NDRG4: variants seen among roughly 807,000 people sequenced by gnomAD.
NDRG4 encodes the protein protein NDRG4.
In NDRG4, 38 loss-of-function variants were observed where a neutral mutation model predicts 55.8. The observed-to-expected ratio is 0.68, with a 90% CI of 0.53 to 0.89. The LOEUF is 0.89. Ranked by LOEUF, NDRG4 falls within the 40% of genes least tolerant of loss-of-function variation. NDRG4 has a pLI of 0.00. For missense variants in NDRG4, 455 were observed against 468.6 expected (o/e 0.97, Z 0.27); for synonymous variants, 190 against 182.7 (o/e 1.04, Z -0.32).
chr16:58,490,719 G>A (rs868018972), intron 2 of NDRG4, among the ~76,000 whole-genome samples: 12 of 152,196 alleles, frequency 7.9e-5, no homozygotes, highest in Admixed American at 3.3e-4. Flanking sequence ...GCTCACGCCT[G>A]TAATCCCAGC....
intron 2 of NDRG4, among the ~76,000 whole-genome samples, chr16:58,494,676 A>G (rs961422803): frequency 6.6e-6 from 1 of 152,048 alleles, no homozygotes; most frequent in African/African-American, 2.4e-5. Context: ...ACATTGAGAC[A>G]GACTGGTGGG....
At chr16:58,481,910 G>A (rs577599157) in intron 1 of NDRG4, among the ~76,000 whole-genome samples, 138 of 152,272 alleles carry the variant, frequency 9.1e-4, no homozygotes, top group Non-Finnish European at 1.6e-3. Flanking sequence ...CCTATATAGT[G>A]CAGTTGGAAG....
chr16:58,473,480 C>T (rs138471922), intron 1 of NDRG4, among the ~76,000 whole-genome samples: 19 of 152,308 alleles, frequency 1.2e-4, no homozygotes, highest in Non-Finnish European at 2.1e-4. Flanking sequence ...CAAACTCTTA[C>T]ATCCACCTGC....
chr16:58,465,248 C>G, intron 1 of NDRG4: 1 of 572,794 alleles, frequency 1.7e-6, no homozygotes. Context: ...AAGTGTCCTC[C>G]GACACCTGGG....
intron 1 of NDRG4, among the ~76,000 whole-genome samples, chr16:58,468,384 T>C (rs1316952768): frequency 1.3e-5 from 2 of 152,184 alleles, no homozygotes; most frequent in Non-Finnish European, 2.9e-5. Flanking sequence ...GTTACCTTCT[T>C]TCGGCCTCAG....
Position 58,512,537 on chromosome 16 carries a change from G to A in NDRG4, c.*961G>A, listed in dbSNP as rs1400070551. The A allele has an allele frequency of 4.2e-5, 9 of 213,748 alleles. No individual in the cohort carries two copies. The highest frequency in any genetic ancestry group is 1.2e-4 in the South Asian group (2 of 16,292). The allele number at this position is 213,748 out of a possible 1,614,324, so 13.2% of individuals were successfully genotyped here. A position where few individuals can be genotyped will look rare whatever the true frequency, so the allele number is the denominator to read the frequency against. Reference sequence around the variant, plus strand: ...TTTCAGGCAGAGCTCTGGCCAGGCTGTGCCAGTGTGTCCCGGACGCATCAC... The same window carrying A: ...TTTCAGGCAGAGCTCTGGCCAGGCTATGCCAGTGTGTCCCGGACGCATCAC... On this transcript the variant is annotated 3_prime_UTR_variant, in exon 15 of 15. Coordinates refer to ENST00000570248, the MANE Select transcript of NDRG4 (RefSeq NM_001242835.2).
At chr16:58,481,124 G>A (rs1344932816) in intron 1 of NDRG4, among the ~76,000 whole-genome samples, 1 of 152,128 alleles carries the variant, frequency 6.6e-6, no homozygotes, top group Non-Finnish European at 1.5e-5. Context: ...CCTTGGGCTG[G>A]TTATGTCACC....
Position 58,476,072 on chromosome 16 carries a change from C to T in NDRG4, c.-23-11684C>T, listed in dbSNP as rs1464390766. Among the ~76,000 whole-genome samples, 4 of 152,290 alleles carry T rather than the reference C, an allele frequency of 2.6e-5. No individual in the cohort carries two copies. In the South Asian group the frequency reaches 6.2e-4, roughly 24 times the overall value. On this transcript the variant is annotated intron_variant, in intron 1 of 15. Coordinates refer to the NDRG4 transcript ENST00000258187. ...TCGGCCTCCCCAAGTGCTGGGATTA[C>T]AGGCATGAGCCACTGCGCCCAGCCA...
At chr16:58,505,145 C>A (rs183378252) in intron 5 of NDRG4, among the ~76,000 whole-genome samples, 1 of 151,906 alleles carries the variant, frequency 6.6e-6, no homozygotes, top group Non-Finnish European at 1.5e-5. Flanking sequence ...GTCAGGAGAT[C>A]AAGACCATCC....
upstream of NDRG4, among the ~76,000 whole-genome samples, chr16:58,498,919 C>T (rs2036713469): frequency 6.6e-6 from 1 of 152,184 alleles, no homozygotes; most frequent in African/African-American, 2.4e-5. Context: ...TCTGAGCCTC[C>T]ATATATAAAT....
chr16:58,503,352 G>C (rs1161050274), intron 1 of NDRG4, among the ~76,000 whole-genome samples: 2 of 152,212 alleles, frequency 1.3e-5, no homozygotes, highest in African/African-American at 4.8e-5. Flanking sequence ...GGCTGGCACG[G>C]GGTGTTTTCT....
intron 1 of NDRG4, chr16:58,501,034 A>AC (rs1031880727): frequency 8.0e-7 from 1 of 1,242,942 alleles, no homozygotes; most frequent in African/African-American, 1.6e-5. Flanking sequence ...GGGCTAGGGG[A>AC]CCCCAGGTGG....
intron 1 of NDRG4, among the ~76,000 whole-genome samples, chr16:58,474,053 T>C (rs896227708): frequency 1.7e-5 from 2 of 118,846 alleles, no homozygotes; most frequent in Non-Finnish European, 3.6e-5. Context: ...TTTTTTTTTT[T>C]TGAGAGAGAA....
intron 1 of NDRG4, among the ~76,000 whole-genome samples, chr16:58,478,099 T>G (rs2033916576): frequency 6.6e-6 from 1 of 152,146 alleles, no homozygotes; most frequent in African/African-American, 2.4e-5. Context: ...TCTTCAAAAG[T>G]GTCAAGGTTG....
chr16:58,505,242 G>C (rs926486758), intron 5 of NDRG4, among the ~76,000 whole-genome samples: 1 of 151,618 alleles, frequency 6.6e-6, no homozygotes, highest in Non-Finnish European at 1.5e-5. Flanking sequence ...CCAGCTACTC[G>C]GGAGGCTGAG....
In NDRG4 at chr16:58,511,536, G is replaced by A. The variant is rs777846974; in HGVS notation, c.1019G>A (p.Gly340Glu). The change falls in exon 15 of 15, where the codon GGG becomes GAG. Residue 340 changes from glycine (G) to glutamate (E), a missense_variant. Coordinates refer to ENST00000570248, the MANE Select transcript of NDRG4 (RefSeq NM_001242835.2). ...TGCACCCACTCAGAGAGCAGCGAGG[G>A]GCTGGGCCAGGTCAACCACACCATG... ...QACTHSESSE[G>E]LGQVNHTMEV... The A allele has an allele frequency of 2.5e-6, 4 of 1,613,040 alleles. No individual in the cohort carries two copies. The highest frequency in any genetic ancestry group is 2.2e-5 in the South Asian group (2 of 91,082).
chr16:58,499,844 T>G (rs1368507025), upstream of NDRG4: 8 of 329,252 alleles, frequency 2.4e-5, no homozygotes, highest in East Asian at 8.2e-5. Context: ...GGTCTCGGCT[T>G]TTGTATTCGG....
At chr16:58,482,688 C>CCTTCCTTCCTCCCTCT (rs2034569639) in intron 1 of NDRG4, among the ~76,000 whole-genome samples, 4 of 144,322 alleles carry the variant, frequency 2.8e-5, no homozygotes, top group Admixed American at 1.4e-4. Flanking sequence ...TTCCTCCCTC[C>CCTTCCTTCCTCCCTCT]CTTCCTTCCT....
upstream of NDRG4, among the ~76,000 whole-genome samples, chr16:58,498,176 A>G (rs1420330103): frequency 2.6e-5 from 4 of 151,786 alleles, no homozygotes; most frequent in Non-Finnish European, 5.9e-5. Flanking sequence ...GCCTTGGGGG[A>G]CATGGGAGGG....
Sources: allele counts gnomAD v4.1 joint callset (sites outside exome capture counted in the v4.1 genomes callset), GRCh38; gene constraint gnomAD v4.1.1; transcripts MANE v1.5; gene names NCBI Gene and HGNC (gene_info 2026-07-23, HGNC 2026-07-21).